The following CA5B variants were observed in gnomAD, a reference collection of about 807,000 sequenced individuals.
The protein encoded by CA5B is carbonic anhydrase 5B.
A neutral mutation model predicts 23.1 loss-of-function variants in CA5B; 15 were observed. That is an observed-to-expected ratio of 0.65 (90% confidence interval 0.43 to 1.00). The LOEUF is 1.00. CA5B is among the 50% of genes least tolerant of loss of function. CA5B has a pLI of 0.00. For synonymous variants in CA5B, 84 were observed against 98.5 expected, an observed-to-expected ratio of 0.85 and a Z score of 0.87; for missense variants, 236 against 252.2, an observed-to-expected ratio of 0.94 and a Z score of 0.43.
At chrX:15,760,126 A>C (rs1000954311) in intron 2 of CA5B, among the ~76,000 whole-genome samples, 1 of 110,831 alleles carries the variant, frequency 9.0e-6, no homozygotes, top group African/African-American at 3.3e-5. Context: ...TGTTTATTTC[A>C]TTTTCCCTAT....
intron 7 of CA5B, among the ~76,000 whole-genome samples, chrX:15,780,102 C>T (rs1931994998): frequency 9.0e-6 from 1 of 110,967 alleles, no homozygotes; most frequent in Admixed American, 9.6e-5. Context: ...TCCTAGTTGC[C>T]TATAATTTTA....
intron 7 of CA5B, 91 bp downstream of exon 7, chrX:15,776,960 T>A: frequency 1.4e-6 from 1 of 723,301 alleles, no homozygotes; most frequent in Admixed American, 2.6e-5. Flanking sequence ...AGTTTTAACA[T>A]CTTGTAATGC....
Position 15,786,930 on chromosome X carries a change from AT to A in CA5B, c.*4268del, listed in dbSNP as rs752208704. 1 of 111,675 alleles carries A rather than the reference AT, an allele frequency of 9.0e-6. No homozygotes were observed. Among genetic ancestry groups the A allele is most frequent in the Admixed American group, 9.5e-5 (1 of 10,488 alleles). 9.2% of individuals were successfully genotyped at this position (111,675 alleles called of 1,213,427 possible). On this transcript the variant is annotated 3_prime_UTR_variant, in exon 8 of 8. Coordinates refer to ENST00000318636, the MANE Select transcript of CA5B (RefSeq NM_007220.4). ...TGTACACTGGTTACCAACCTGTCTG[AT>A]TCCATTGTGACAGAACACACTCACA...
intron 3 of CA5B, chrX:15,767,015 T>C: frequency 1.6e-6 from 1 of 614,889 alleles, no homozygotes; most frequent in Non-Finnish European, 2.3e-6. Context: ...TGGATGACTG[T>C]CTGGCACTCT....
Position 15,783,794 on chromosome X carries a change from T to C in CA5B, c.*1130T>C, listed in dbSNP as rs865937938. 2 of 73,003 alleles carry C rather than the reference T, an allele frequency of 2.7e-5. No homozygotes were observed. Among genetic ancestry groups the C allele is most frequent in the African/African-American group, 5.0e-5 (1 of 19,837 alleles). 6.0% of individuals were successfully genotyped at this position (73,003 alleles called of 1,213,427 possible). A position where few individuals can be genotyped will look rare whatever the true frequency, so the allele number is the denominator to read the frequency against. ...CAACAGAGTGAGACTCTGTGTCTAA[T>C]AAAAAAAAAAAAAGAAAAGAAAAGA... On this transcript the variant is annotated 3_prime_UTR_variant, in exon 8 of 8. Coordinates refer to ENST00000318636, the MANE Select transcript of CA5B (RefSeq NM_007220.4).
intron 2 of CA5B, among the ~76,000 whole-genome samples, chrX:15,754,363 A>G (rs1044430342): frequency 2.7e-5 from 3 of 112,687 alleles, no homozygotes; most frequent in Non-Finnish European, 5.6e-5. Flanking sequence ...TTTAAATCTG[A>G]CCATTTTAAG....
intron 3 of CA5B, among the ~76,000 whole-genome samples, chrX:15,771,684 C>G (rs1399488557): frequency 9.2e-6 from 1 of 108,799 alleles, no homozygotes; most frequent in Non-Finnish European, 1.9e-5. Context: ...ATGAGCCACC[C>G]GCTTCAGCCT....
rs549167097 is a variant in CA5B at position 15,776,192 on chromosome X, C to A, written c.619-522C>A. The A allele has an allele frequency of 6.6e-4, 113 of 172,282 alleles. No homozygotes were observed. In the South Asian group the frequency reaches 0.01, roughly 15 times the overall value. 14.2% of individuals were successfully genotyped at this position (172,282 alleles called of 1,213,427 possible). A position where few individuals can be genotyped will look rare whatever the true frequency, so the allele number is the denominator to read the frequency against. On this transcript the variant is annotated intron_variant, in intron 6 of 7. Transcript: ENST00000318636. The stretch of plus-strand genomic sequence containing the variant: ...TCTCTCCTAAAAAATACAAAAAATT[C>A]GCCGGGCATGGTGGCGGGCGCCTGT...
chrX:15,750,243 AAAAG>A (rs1931329908), intron 2 of CA5B, 78 bp downstream of exon 2: 1 of 827,085 alleles, frequency 1.2e-6, no homozygotes, highest in African/African-American at 2.0e-5. Context: ...CTCTTAGAAA[AAAAG>A]AGAAAAGAAA....
intron 7 of CA5B, among the ~76,000 whole-genome samples, chrX:15,779,628 T>TG (rs1435186717): frequency 1.8e-5 from 2 of 111,785 alleles, no homozygotes; most frequent in East Asian, 5.6e-4. Flanking sequence ...AGCAGGCATT[T>TG]GGGGGAAAAA....
At chrX:15,749,926 T>C (rs1931321379) in intron 1 of CA5B, 45 bp from the exon 2 acceptor site, 7 of 1,015,620 alleles carry the variant, frequency 6.9e-6, no homozygotes, top group Non-Finnish European at 9.4e-6. Context: ...TCATCTTAAG[T>C]TTCTGTTGTT....
At chrX:15,754,186 G>C (rs985690449) in intron 2 of CA5B, among the ~76,000 whole-genome samples, 2 of 111,803 alleles carry the variant, frequency 1.8e-5, no homozygotes, top group Non-Finnish European at 3.8e-5. Context: ...CCCTGGCCAG[G>C]GTAGGGGGGA....
At chrX:15,775,795 CTCT>C (rs921773706) in intron 6 of CA5B, 96 of 740,459 alleles carry the variant, frequency 1.3e-4, no homozygotes, top group Non-Finnish European at 1.5e-4. Flanking sequence ...CCCATATATT[CTCT>C]TCTTCTCCCT....
Position 15,769,160 on chromosome X carries a change from G to A in CA5B, c.341-3336G>A, listed in dbSNP as rs189157542. 2.7e-4 allele frequency among the ~76,000 whole-genome samples: 30 copies of A among 111,764 alleles called. No individual in the cohort carries two copies. In the East Asian group the frequency reaches 8.1e-3, roughly 30 times the overall value. ...ATGAAATCAAAAGTTGGTTCTTTGG[G>A]AAGATCAACAAAGTTCACAAACTTT... On this transcript the variant is annotated intron_variant, in intron 3 of 7. Transcript: ENST00000318636.
At chrX:15,739,127 G>C (rs1282567029) in intron 1 of CA5B, among the ~76,000 whole-genome samples, 1 of 112,300 alleles carries the variant, frequency 8.9e-6, no homozygotes, top group Non-Finnish European at 1.9e-5. Flanking sequence ...CTTCCCTCCT[G>C]TGTATTTTCG....
chrX:15,764,696 T>G lies in CA5B; in HGVS notation c.261T>G (p.Tyr87Ter). The change falls in exon 3 of 8, where the codon TAT (tyrosine) becomes TAG (stop). Residue 87 changes from tyrosine to a stop codon, truncating the protein, a stop_gained. Transcript: ENST00000318636. LOFTEE classifies it high-confidence loss of function. ...GCTTAAAACCACTGACCATCTCTTA[T>G]GACCCAGCCACCTGCCTCCACGTCT... ...DPGLKPLTIS[Y>*]DPATCLHVWN... 2 of 1,195,018 alleles carry G rather than the reference T, an allele frequency of 1.7e-6. No individual in the cohort carries two copies. The highest frequency in any genetic ancestry group is 3.6e-5 in the South Asian group (2 of 55,804).
chrX:15,744,014 G>A (rs960209529), intron 1 of CA5B, among the ~76,000 whole-genome samples: 9 of 112,091 alleles, frequency 8.0e-5, no homozygotes, highest in African/African-American at 2.9e-4. Flanking sequence ...ATCTACCACT[G>A]AGTGTGGAGG....
chrX:15,738,973 TTTTG>T (rs1006143328), intron 1 of CA5B, among the ~76,000 whole-genome samples: 5 of 111,941 alleles, frequency 4.5e-5, no homozygotes, highest in Admixed American at 1.9e-4. Context: ...CTTCTGGCCT[TTTTG>T]TTTTGTGCTC....
In CA5B at chrX:15,787,624, T is replaced by C. The variant is rs1208377355; in HGVS notation, c.*4960T>C. 1 of 112,500 alleles carries C rather than the reference T, an allele frequency of 8.9e-6. No individual in the cohort carries two copies. The highest frequency in any genetic ancestry group is 3.2e-5 in the African/African-American group (1 of 30,988). The allele number at this position is 112,500 out of a possible 1,213,427, so 9.3% of individuals were successfully genotyped here. On this transcript the variant is annotated 3_prime_UTR_variant, in exon 8 of 8. Transcript: ENST00000318636. ...TTGTTAAAAATAAATGTCTAACTCC[T>C]ATAAAAGGAAATTTACATTCATTTC... is the stretch of plus-strand genomic sequence containing the variant.
Sources: allele counts gnomAD v4.1 joint callset (sites outside exome capture counted in the v4.1 genomes callset), GRCh38; gene constraint gnomAD v4.1.1; transcripts MANE v1.5; gene names NCBI Gene and HGNC (gene_info 2026-07-23, HGNC 2026-07-21).